SCYL2: variants seen among roughly 807,000 people sequenced by gnomAD.
SCYL2 encodes SCY1 like pseudokinase 2.
In SCYL2, 36 loss-of-function variants were observed where a neutral mutation model predicts 100.4. The observed-to-expected ratio is 0.36, with a 90% confidence interval of 0.27 to 0.47. The LOEUF (loss-of-function observed/expected upper bound fraction) is 0.47, where lower values mean the gene tolerates loss of function less well. Ranked by LOEUF, SCYL2 falls within the 20% of genes least tolerant of loss-of-function variation. The probability of loss-of-function intolerance (pLI) is 1.00; values close to 1 mark genes in which losing one functional copy is unlikely to be tolerated. For synonymous variants in SCYL2, 330 were observed against 359.2 expected, an observed-to-expected ratio of 0.92 and a Z score of 0.92; for missense variants, 902 against 1,083.9, an observed-to-expected ratio of 0.83 and a Z score of 2.36.
At chr12:100,330,860 G>A (rs536046845) in intron 13 of SCYL2, among the ~76,000 whole-genome samples, 5 of 139,198 alleles carry the variant, frequency 3.6e-5, no homozygotes, top group Admixed American at 1.5e-4. Flanking sequence ...ATGGAGTCTC[G>A]CCCTGTCACT....
intron 2 of SCYL2, among the ~76,000 whole-genome samples, chr12:100,289,671 G>GA (rs2096308334): frequency 6.6e-6 from 1 of 152,076 alleles, no homozygotes; most frequent in Non-Finnish European, 1.5e-5. Flanking sequence ...ACTGTGGTCT[G>GA]AAAATAACAG....
chr12:100,320,197 G>A (rs548549058), intron 10 of SCYL2, among the ~76,000 whole-genome samples: 13 of 152,222 alleles, frequency 8.5e-5, no homozygotes, highest in South Asian at 2.1e-4. Context: ...GTTTGATTTT[G>A]TGTTTTGCAA....
chr12:100,308,519 G>A lies in SCYL2; in HGVS notation c.481-2525G>A, dbSNP rs185590448. On this transcript the variant is annotated intron_variant, in intron 4 of 17. Transcript: ENST00000360820. ...GGGGACTAGGGAAGGGATAGCATTAGGAGAAATACCTAATGTAGGTGACTG... is the reference window on the plus strand; with the variant it reads ...GGGGACTAGGGAAGGGATAGCATTAAGAGAAATACCTAATGTAGGTGACTG... 4.3e-4 allele frequency among the ~76,000 whole-genome samples: 65 copies of A among 152,250 alleles called. No individual in the cohort carries two copies. The East Asian group carries it at 0.012, about 28-fold the overall frequency.
At chr12:100,304,892 CA>C (rs1566357473) in intron 4 of SCYL2, among the ~76,000 whole-genome samples, 1 of 151,328 alleles carries the variant, frequency 6.6e-6, no homozygotes, top group Non-Finnish European at 1.5e-5. Context: ...CAACAAAGAT[CA>C]AAAAAGACAA....
At chr12:100,299,932 T>C (rs1465206199) in intron 4 of SCYL2, among the ~76,000 whole-genome samples, 2 of 152,216 alleles carry the variant, frequency 1.3e-5, no homozygotes, top group East Asian at 3.8e-4. Flanking sequence ...TTTAAGAAAA[T>C]GATACTGTTT....
chr12:100,333,755 A>G (rs1436506195), intron 13 of SCYL2: 1 of 154,210 alleles, frequency 6.5e-6, no homozygotes, highest in Non-Finnish European at 1.4e-5. Context: ...CTGAATAAGC[A>G]GGAATTTTCT....
In SCYL2 at chr12:100,283,162, A is replaced by G. The variant is rs1202026963; in HGVS notation, c.177+15A>G. 5.7e-6 allele frequency: 9 copies of G among 1,573,348 alleles called. No individual in the cohort carries two copies. The highest frequency in any genetic ancestry group is 4.7e-5 in the South Asian group (4 of 84,690). On this transcript the variant is annotated intron_variant, in intron 2 of 17. Coordinates refer to ENST00000360820, the MANE Select transcript of SCYL2 (RefSeq NM_017988.6). The stretch of plus-strand genomic sequence containing the variant: ...CAACAAAGCAGGTGAGTTTTAATTC[A>G]GCATCCACTTGGAAAAAACCCACAT...
intron 4 of SCYL2, among the ~76,000 whole-genome samples, chr12:100,302,658 A>G (rs961260309): frequency 2.0e-5 from 3 of 152,092 alleles, no homozygotes; most frequent in Non-Finnish European, 2.9e-5. Context: ...TTTGTGGGTA[A>G]CCCGACCTTT....
Position 100,340,296 on chromosome 12 carries a change from A to G in SCYL2, c.*1124A>G, listed in dbSNP as rs1952336642. 3 of 152,410 alleles carry G rather than the reference A, an allele frequency of 2.0e-5. No individual in the cohort carries two copies. Among genetic ancestry groups the G allele is most frequent in the Admixed American group, 2.0e-4 (3 of 15,274 alleles). The allele number at this position is 152,410 out of a possible 1,614,324, so 9.4% of individuals were successfully genotyped here. A position where few individuals can be genotyped will look rare whatever the true frequency, so the allele number is the denominator to read the frequency against. ...TTCTATTAGCCATTTTTAGGAAGGAAAGAATCAATTCTCTTAACAGGAAAC... is the reference window on the plus strand; with the variant it reads ...TTCTATTAGCCATTTTTAGGAAGGAGAGAATCAATTCTCTTAACAGGAAAC... On this transcript the variant is annotated 3_prime_UTR_variant, in exon 18 of 18. Coordinates refer to ENST00000360820, the MANE Select transcript of SCYL2 (RefSeq NM_017988.6).
At chr12:100,283,796 T>C (rs1006004983) in intron 2 of SCYL2, among the ~76,000 whole-genome samples, 1 of 152,250 alleles carries the variant, frequency 6.6e-6, no homozygotes, top group Non-Finnish European at 1.5e-5. Context: ...TTGGCTTTGG[T>C]TATCCTTTTA....
At chr12:100,273,400 GT>G (rs2096289528) in intron 1 of SCYL2, among the ~76,000 whole-genome samples, 1 of 152,058 alleles carries the variant, frequency 6.6e-6, no homozygotes, top group African/African-American at 2.4e-5. Context: ...CTGTAGGCTA[GT>G]GCTGTGGTGG....
intron 12 of SCYL2, 84 bp downstream of exon 12, chr12:100,326,838 C>T (rs1401653338): frequency 1.4e-5 from 15 of 1,110,958 alleles, no homozygotes; most frequent in Admixed American, 1.2e-4. Flanking sequence ...ACTCTCCTTT[C>T]GTGTATATAG....
intron 2 of SCYL2, among the ~76,000 whole-genome samples, chr12:100,287,636 G>A (rs1271647577): frequency 6.6e-6 from 1 of 151,994 alleles, no homozygotes; most frequent in African/African-American, 2.4e-5. Flanking sequence ...TAAAGAATCT[G>A]CAATGAATAA....
intron 4 of SCYL2, among the ~76,000 whole-genome samples, chr12:100,306,474 C>A (rs186994257): frequency 3.1e-4 from 47 of 152,276 alleles, no homozygotes; most frequent in African/African-American, 9.1e-4. Context: ...TAAAAACTCT[C>A]AATAAACTAG....
At chr12:100,318,705 A>G (rs190925994) in intron 10 of SCYL2, among the ~76,000 whole-genome samples, 64 of 152,180 alleles carry the variant, frequency 4.2e-4, no homozygotes, top group Non-Finnish European at 6.8e-4. Context: ...TTGCTTGGTA[A>G]CTCAGTTTTC....
intron 4 of SCYL2, 56 bp downstream of exon 4, chr12:100,298,231 G>T: frequency 7.6e-7 from 1 of 1,317,776 alleles, no homozygotes; most frequent in Non-Finnish European, 1.0e-6. Context: ...AATTGGTTTT[G>T]GCATTTCAAA....
At chr12:100,281,019 G>GTTTTGTTTTT (rs2096297553) in intron 1 of SCYL2, among the ~76,000 whole-genome samples, 8 of 50,466 alleles carry the variant, frequency 1.6e-4, no homozygotes, top group African/African-American at 5.5e-4. Context: ...TACCATCAGT[G>GTTTTGTTTTT]TTTTTTTTTT....
At chr12:100,325,868 A>T (rs1347454328) in intron 11 of SCYL2, among the ~76,000 whole-genome samples, 1 of 152,116 alleles carries the variant, frequency 6.6e-6, no homozygotes, top group East Asian at 1.9e-4. Context: ...TTAATTTCAG[A>T]AAACAATTGT....
chr12:100,286,451 C>G (rs532907137), intron 2 of SCYL2, among the ~76,000 whole-genome samples: 18 of 151,822 alleles, frequency 1.2e-4, no homozygotes, highest in African/African-American at 4.3e-4. Context: ...TTTGCTTTTG[C>G]AGTAGACCTT....
Sources: gnomAD v4.1 joint callset for allele counts (sites outside exome capture counted in the v4.1 genomes callset) on GRCh38, gnomAD v4.1.1 for gene constraint, MANE v1.5 for transcripts, NCBI Gene and HGNC (gene_info 2026-07-23, HGNC 2026-07-21) for gene names.